The following AGAP1 variants were observed in gnomAD, a reference collection of about 807,000 sequenced individuals.
The protein encoded by AGAP1 is ArfGAP with GTPase domain, ankyrin repeat and PH domain 1.
A neutral mutation model predicts 105.3 loss-of-function variants in AGAP1; 29 were observed. The ratio of observed to expected loss-of-function variants is 0.28; its 90% CI spans 0.21 to 0.38. The LOEUF is 0.38. Among genes scored for constraint, AGAP1 ranks in the 10% least tolerant of loss-of-function variants. The pLI, the probability that AGAP1 is intolerant of heterozygous loss-of-function variation, is 1.00. For synonymous variants in AGAP1, 509 were observed against 485.9 expected (o/e 1.05, Z -0.63); for missense variants, 998 against 1,165.1 (o/e 0.86, Z 2.09).
chr2:235,601,864 C>T lies in AGAP1; in HGVS notation c.163+107015C>T, dbSNP rs910250927. ...TGGTACAGTCACACTGGAGGTTCAACACAATCCAGCCACCACATCACCCAG... is the reference window on the plus strand; with the variant it reads ...TGGTACAGTCACACTGGAGGTTCAATACAATCCAGCCACCACATCACCCAG... On this transcript the variant is annotated intron_variant, in intron 1 of 17. Transcript: ENST00000304032. The surrounding 1 kb of genome is among the most constrained non-coding windows in gnomAD (Gnocchi z 4.4). Among the ~76,000 whole-genome samples the T allele has an allele frequency of 1.3e-5, 2 of 152,184 alleles. No individual in the cohort carries two copies. The highest frequency in any genetic ancestry group is 4.8e-5 in the African/African-American group (2 of 41,440).
At chr2:235,903,977 G>C (rs7601516) in intron 10 of AGAP1, among the ~76,000 whole-genome samples, 115,458 of 151,860 alleles carry the variant, frequency 0.76, 44,107 homozygotes, top group East Asian at 0.98. Context: ...CACAGAAGGC[G>C]GGCGCCACGT....
intron 16 of AGAP1, among the ~76,000 whole-genome samples, chr2:236,100,832 GAAAA>G (rs72435294): frequency 0.022 from 2,341 of 108,812 alleles, 67 homozygotes; most frequent in African/African-American, 0.071. Context: ...TCCCTCTCAA[GAAAA>G]AAAAAAAAAA....
intron 9 of AGAP1, among the ~76,000 whole-genome samples, chr2:235,807,549 C>T (rs1345910190): frequency 6.6e-6 from 1 of 152,216 alleles, no homozygotes; most frequent in Non-Finnish European, 1.5e-5. Context: ...TAATGAAGTG[C>T]GGGCTGCCCG....
rs55924916 is a variant in AGAP1 at position 235,709,093 on chromosome 2, G to A, written c.164-86G>A. ...GTCTGCACCATCTTCAGTGACCTTC[G>A]GATGTGAAAATGGCCCATTGGAGGC... On this transcript the variant is annotated intron_variant, in intron 1 of 17. Transcript: ENST00000304032. The A allele has an allele frequency of 0.012, 16,333 of 1,318,402 alleles. 1,540 individuals are homozygous for A. The African/African-American group carries it at 0.2, about 16-fold the overall frequency. 81.7% of individuals were successfully genotyped at this position (1,318,402 alleles called of 1,614,324 possible).
At chr2:235,811,707 C>A (rs1012051660) in intron 9 of AGAP1, among the ~76,000 whole-genome samples, 1 of 152,198 alleles carries the variant, frequency 6.6e-6, no homozygotes, top group Non-Finnish European at 1.5e-5. Flanking sequence ...CGCTCCCTGT[C>A]ATGCAGACCC....
In AGAP1 at chr2:235,716,787, C is replaced by G. The variant is rs1352083561; in HGVS notation, c.223-770C>G. Among the ~76,000 whole-genome samples, 1 of 152,076 alleles carries G rather than the reference C, an allele frequency of 6.6e-6. No homozygotes were observed. The highest frequency in any genetic ancestry group is 1.5e-5 in the Non-Finnish European group (1 of 68,012). Reference sequence around the variant, plus strand: ...GGAGGCTGGGAGGCCAGGTGTGTCTCCTGTGTCAACAGGGAGGCTTCCTGT... The same window carrying G: ...GGAGGCTGGGAGGCCAGGTGTGTCTGCTGTGTCAACAGGGAGGCTTCCTGT... On this transcript the variant is annotated intron_variant, in intron 2 of 17. Coordinates refer to ENST00000304032, the MANE Select transcript of AGAP1 (RefSeq NM_001037131.3). This position sits in a 1 kb window ranked among gnomAD's most constrained non-coding sequence, Gnocchi z 4.0.
Position 236,020,027 on chromosome 2 carries a change from G to A in AGAP1, c.1646-16534G>A, listed in dbSNP as rs562278973. Reference sequence around the variant, plus strand: ...TTGTTTGTATGAGGCAGGCATGGGCGCCAGACTCAAGCCCAGATCTTAACT... The same window carrying A: ...TTGTTTGTATGAGGCAGGCATGGGCACCAGACTCAAGCCCAGATCTTAACT... On this transcript the variant is annotated intron_variant, in intron 13 of 17. Coordinates refer to ENST00000304032, the MANE Select transcript of AGAP1 (RefSeq NM_001037131.3). The surrounding 1 kb of genome is among the most constrained non-coding windows in gnomAD (Gnocchi z 5.0). Among the ~76,000 whole-genome samples, 1 of 152,202 alleles carries A rather than the reference G, an allele frequency of 6.6e-6. No homozygotes were observed. The highest frequency in any genetic ancestry group is 1.5e-5 in the Non-Finnish European group (1 of 68,044).
chr2:235,817,813 C>G (rs1399024257), intron 9 of AGAP1, among the ~76,000 whole-genome samples: 1 of 152,138 alleles, frequency 6.6e-6, no homozygotes, highest in African/African-American at 2.4e-5. Flanking sequence ...ATCGCTTGAA[C>G]CCGGGACGGG....
intron 16 of AGAP1, among the ~76,000 whole-genome samples, chr2:236,067,669 G>T (rs187627690): frequency 2.0e-5 from 3 of 152,290 alleles, no homozygotes; most frequent in Non-Finnish European, 4.4e-5. Context: ...GGAGTAACAC[G>T]TATTGGAAGA....
intron 1 of AGAP1, among the ~76,000 whole-genome samples, chr2:235,640,946 T>A (rs1947170036): frequency 6.6e-6 from 1 of 152,260 alleles, no homozygotes; most frequent in Non-Finnish European, 1.5e-5. Context: ...CCACCTGTTT[T>A]CCTGCCTAAT....
intron 1 of AGAP1, among the ~76,000 whole-genome samples, chr2:235,546,156 C>G (rs867482410): frequency 1.3e-5 from 2 of 152,332 alleles, no homozygotes; most frequent in Middle Eastern, 6.8e-3. Flanking sequence ...CAGGCCACAC[C>G]AATCTGGGCT....
In AGAP1 at chr2:235,716,640, G is replaced by C. The variant is rs148507272; in HGVS notation, c.223-917G>C. On this transcript the variant is annotated intron_variant, in intron 2 of 17. Coordinates refer to ENST00000304032, the MANE Select transcript of AGAP1 (RefSeq NM_001037131.3). This position sits in a 1 kb window ranked among gnomAD's most constrained non-coding sequence, Gnocchi z 4.0. ...ATTTGATCACTAGCGATGTTCTAGTGGGGGAGGAAAAGGTTAAAATGCAGG... is the reference window on the plus strand; with the variant it reads ...ATTTGATCACTAGCGATGTTCTAGTCGGGGAGGAAAAGGTTAAAATGCAGG... Among the ~76,000 whole-genome samples, 136 of 152,216 alleles carry C rather than the reference G, an allele frequency of 8.9e-4. 1 individual carries two copies. Among genetic ancestry groups the C allele is most frequent in the African/African-American group, 3.0e-3 (125 of 41,540 alleles).
At chr2:235,619,723 C>T (rs977470683) in intron 1 of AGAP1, among the ~76,000 whole-genome samples, 1 of 152,212 alleles carries the variant, frequency 6.6e-6, no homozygotes, top group Non-Finnish European at 1.5e-5. Flanking sequence ...TGCCAAGAGG[C>T]GGCCAGCTGC....
At chr2:235,773,795 A>G in intron 6 of AGAP1, 1 of 382,940 alleles carries the variant, frequency 2.6e-6, no homozygotes, top group South Asian at 2.1e-5. Context: ...TTTATCTTCT[A>G]ATTAGTTGAG....
rs891502055 is a variant in AGAP1 at position 235,891,333 on chromosome 2, A to G, written c.1155+7884A>G. 6.6e-6 allele frequency among the ~76,000 whole-genome samples: 1 copy of G among 152,170 alleles called. No homozygotes were observed. Among genetic ancestry groups the G allele is most frequent in the South Asian group, 2.1e-4 (1 of 4,816 alleles). On this transcript the variant is annotated intron_variant, in intron 10 of 17. Coordinates refer to ENST00000304032, the MANE Select transcript of AGAP1 (RefSeq NM_001037131.3). This position sits in a 1 kb window ranked among gnomAD's most constrained non-coding sequence, Gnocchi z 4.2. Reference sequence around the variant, plus strand: ...CATTTTTGTGTCTTTGAAAAATTGTATGTCTCCAAGACCTTTAAAAAGCCC... The same window carrying G: ...CATTTTTGTGTCTTTGAAAAATTGTGTGTCTCCAAGACCTTTAAAAAGCCC...
Position 236,049,650 on chromosome 2 carries a change from G to T in AGAP1, c.2114+369G>T, listed in dbSNP as rs190094738. The stretch of plus-strand genomic sequence containing the variant: ...TTTAATTTTGTTATTCTTATAGCTT[G>T]GATAAGCATCTGCTCTGTCGATCCC... On this transcript the variant is annotated intron_variant, in intron 16 of 17. Coordinates refer to ENST00000304032, the MANE Select transcript of AGAP1 (RefSeq NM_001037131.3). 3.0e-3 allele frequency: 494 copies of T among 162,258 alleles called. 2 individuals are homozygous for T. The highest frequency in any genetic ancestry group is 0.011 in the African/African-American group (463 of 41,650). 10.1% of individuals were successfully genotyped at this position (162,258 alleles called of 1,614,324 possible). A position where few individuals can be genotyped will look rare whatever the true frequency, so the allele number is the denominator to read the frequency against.
At chr2:236,112,908 T>C (rs532966638) in intron 16 of AGAP1, among the ~76,000 whole-genome samples, 153 of 152,366 alleles carry the variant, frequency 1.0e-3, no homozygotes, top group Non-Finnish European at 2.0e-3. Flanking sequence ...CAGCCCTGTC[T>C]GGCTGAATGG....
At chr2:235,776,814 C>T (rs1036721707) in intron 6 of AGAP1, 20 of 448,248 alleles carry the variant, frequency 4.5e-5, no homozygotes, top group South Asian at 1.7e-4. Flanking sequence ...AAAACCTGCC[C>T]GTCCCTCAGG....
rs148517393 is a variant in AGAP1 at position 235,529,123 on chromosome 2, C to G, written c.163+34274C>G. Among the ~76,000 whole-genome samples, 228 of 152,356 alleles carry G rather than the reference C, an allele frequency of 1.5e-3. 1 individual carries two copies. Among genetic ancestry groups the G allele is most frequent in the African/African-American group, 4.9e-3 (204 of 41,592 alleles). ...GCTCTGTGGCCCCTAGGCCACACCT[C>G]TGCTGCCTGGTAACTTTCCTTGCTG... On this transcript the variant is annotated intron_variant, in intron 1 of 17. Coordinates refer to ENST00000304032, the MANE Select transcript of AGAP1 (RefSeq NM_001037131.3).
Sources: allele counts gnomAD v4.1 joint callset (sites outside exome capture counted in the v4.1 genomes callset), GRCh38; gene constraint gnomAD v4.1.1; non-coding constraint Gnocchi (gnomAD v3.1); transcripts MANE v1.5; gene names NCBI Gene and HGNC (gene_info 2026-07-23, HGNC 2026-07-21).